The following RANBP3 variants were observed in gnomAD, a reference collection of about 807,000 sequenced individuals.
RANBP3 encodes the protein ran-binding protein 3.
RANBP3 carries 14 observed loss-of-function variants against 77.3 expected under a neutral mutation model. The observed-to-expected ratio is 0.18, with a 90% CI of 0.12 to 0.28. The LOEUF is 0.28. Ranked by LOEUF, RANBP3 falls within the 10% of genes least tolerant of loss-of-function variation. The pLI, the probability that RANBP3 is intolerant of heterozygous loss-of-function variation, is 1.00. For synonymous variants in RANBP3, 315 were observed against 312.4 expected (o/e 1.01, Z -0.09); for missense variants, 586 against 752.3 (o/e 0.78, Z 2.59).
chr19:5,943,590 G>A lies in RANBP3; in HGVS notation c.283-1755C>T, dbSNP rs138155852. Among the ~76,000 whole-genome samples, 675 of 152,278 alleles carry A rather than the reference G, an allele frequency of 4.4e-3. 3 individuals carry two copies. Among genetic ancestry groups the A allele is most frequent in the African/African-American group, 0.015 (644 of 41,552 alleles). On this transcript the variant is annotated intron_variant, in intron 3 of 16. Transcript: ENST00000340578. ...ACTTGAAGTCACATAGCTCGTTCAC[G>A]ACGGTCAGAAAAAAAGCTACCCTGG...
intron 11 of RANBP3, 36 bp from the exon 12 acceptor site, chr19:5,923,950 C>T (rs779292905): frequency 4.0e-6 from 6 of 1,518,158 alleles, no homozygotes; most frequent in Non-Finnish European, 5.5e-6. Flanking sequence ...GAAGAGGGCA[C>T]TTGTGTGGTC....
intron 1 of RANBP3, among the ~76,000 whole-genome samples, chr19:5,972,535 G>T (rs1386205697): frequency 6.6e-6 from 1 of 152,210 alleles, no homozygotes; most frequent in South Asian, 2.1e-4. Context: ...ACTGCCTCAC[G>T]ATTGCTTCAA....
intron 15 of RANBP3, 127 bp from the exon 16 acceptor site, chr19:5,918,107 T>C (rs911809901): frequency 3.6e-6 from 4 of 1,111,300 alleles, no homozygotes; most frequent in South Asian, 3.3e-5. Flanking sequence ...GGGGAGGCCA[T>C]TGGCCCTGGG....
At chr19:5,936,410 G>A (rs376047868) in intron 5 of RANBP3, among the ~76,000 whole-genome samples, 8 of 146,054 alleles carry the variant, frequency 5.5e-5, no homozygotes, top group East Asian at 2.2e-4. Context: ...AGCTCTGTCC[G>A]TCATCTCCAC....
At chr19:5,920,614 C>T (rs374865080) in intron 14 of RANBP3, among the ~76,000 whole-genome samples, 7 of 152,246 alleles carry the variant, frequency 4.6e-5, no homozygotes, top group East Asian at 1.9e-4. Flanking sequence ...GTGGCTCAAT[C>T]TCGGCTCACT....
At position 5,959,521 on chromosome 19, in the gene RANBP3, T is replaced by A. The variant is rs2058374934; in HGVS notation, c.23-1548A>T. On this transcript the variant is annotated intron_variant, in intron 1 of 16. Coordinates refer to ENST00000340578, the MANE Select transcript of RANBP3 (RefSeq NM_007322.3). The surrounding 1 kb of genome is among the most constrained non-coding windows in gnomAD (Gnocchi z 5.1). Reference sequence around the variant, plus strand: ...TGTACAGCCAAGGCAAACACTGGAGTGAGTGGCGTGCGCGAGACCCAGGGG... The same window carrying A: ...TGTACAGCCAAGGCAAACACTGGAGAGAGTGGCGTGCGCGAGACCCAGGGG... 6.6e-6 allele frequency among the ~76,000 whole-genome samples: 1 copy of A among 151,338 alleles called. No individual in the cohort carries two copies. The highest frequency in any genetic ancestry group is 2.4e-5 in the African/African-American group (1 of 41,116).
Position 5,923,926 on chromosome 19 carries a change from C to A in RANBP3, c.997-12G>T. On this transcript the variant is annotated splice_polypyrimidine_tract_variant and intron_variant, in intron 11 of 16. Coordinates refer to ENST00000340578, the MANE Select transcript of RANBP3 (RefSeq NM_007322.3). ...AATTTTGGGGGGCTCTGCAGGGACA[C>A]AAAAGCATACAAGGAAGAGGGCACT... The A allele has an allele frequency of 6.3e-7, 1 of 1,599,010 alleles. No homozygotes were observed. The highest frequency in any genetic ancestry group is 2.2e-5 in the East Asian group (1 of 44,802).
At chr19:5,962,263 C>T (rs2145232060) in intron 1 of RANBP3, among the ~76,000 whole-genome samples, 1 of 152,258 alleles carries the variant, frequency 6.6e-6, no homozygotes, top group East Asian at 1.9e-4. Context: ...GAGTGGAGAA[C>T]AGGAAGCTGA....
chr19:5,925,200 G>A, intron 10 of RANBP3: 1 of 502,436 alleles, frequency 2.0e-6, no homozygotes, highest in South Asian at 2.1e-5. Flanking sequence ...ACACCTGGAG[G>A]GGCAGCTGGT....
Position 5,929,547 on chromosome 19 carries a change from T to A in RANBP3, c.694-1460A>T, listed in dbSNP as rs573177652. 7.9e-5 allele frequency among the ~76,000 whole-genome samples: 12 copies of A among 152,270 alleles called. No individual in the cohort carries two copies. In the East Asian group the frequency reaches 2.3e-3, roughly 29 times the overall value. ...GGATTCGCTTAAACTGATAAACGAA[T>A]CCCGAGGCCTGTAACCAGTCTGAGA... On this transcript the variant is annotated intron_variant, in intron 8 of 16. Coordinates refer to ENST00000340578, the MANE Select transcript of RANBP3 (RefSeq NM_007322.3).
chr19:5,946,912 C>T (rs1476336959), intron 3 of RANBP3, among the ~76,000 whole-genome samples: 2 of 152,238 alleles, frequency 1.3e-5, no homozygotes, highest in Non-Finnish European at 2.9e-5. Flanking sequence ...GGCCACCCCT[C>T]ACCCCAAACA....
In RANBP3 at chr19:5,936,889, C is replaced by A. The variant is rs151139970; in HGVS notation, c.407-3410G>T. ...TTCCAGTGAACACCACTAATCAACG[C>A]GGCAGGGATGGTGCTCAGAGTATCC... On this transcript the variant is annotated intron_variant, in intron 5 of 16. Transcript: ENST00000340578. Among the ~76,000 whole-genome samples, 711 of 151,670 alleles carry A rather than the reference C, an allele frequency of 4.7e-3. 4 individuals are homozygous for A. Among genetic ancestry groups the A allele is most frequent in the African/African-American group, 0.016 (682 of 41,340 alleles).
chr19:5,974,014 C>T (rs778802830), intron 1 of RANBP3, among the ~76,000 whole-genome samples: 2 of 152,136 alleles, frequency 1.3e-5, no homozygotes, highest in South Asian at 2.1e-4. Context: ...CACCTGGGGG[C>T]GATTCTGCAG....
chr19:5,943,180 G>A (rs986252296), intron 3 of RANBP3, among the ~76,000 whole-genome samples: 4 of 152,206 alleles, frequency 2.6e-5, no homozygotes, highest in Admixed American at 2.0e-4. Flanking sequence ...AAGCAGAAAA[G>A]CCAATTTTCT....
rs2057936233 is a variant in RANBP3 at position 5,928,022 on chromosome 19, G to C, written c.759C>G (p.Asp253Glu). The change falls in exon 9 of 17, where the codon GAC becomes GAG. Residue 253 changes from aspartate to glutamate, a missense_variant. Physicochemically the swap from Asp to Glu is conservative, Grantham distance 45. Coordinates refer to ENST00000340578, the MANE Select transcript of RANBP3 (RefSeq NM_007322.3). ...ASEEEACEKK[D>E]PATQQAFVFG... ...ATACAAAGGCTTGCTGTGTGGCGGG[G>C]TCTTTTTTCTCACAGGCTTCCTCTT... 6.2e-7 allele frequency: 1 copy of C among 1,613,778 alleles called. No homozygotes were observed. The highest frequency in any genetic ancestry group is 1.3e-5 in the African/African-American group (1 of 74,892).
intron 3 of RANBP3, among the ~76,000 whole-genome samples, chr19:5,945,372 C>T (rs896906158): frequency 2.6e-5 from 4 of 152,192 alleles, no homozygotes; most frequent in Admixed American, 6.5e-5. Flanking sequence ...TCCTAGTTTC[C>T]GTTTTTGATT....
At chr19:5,944,877 A>G (rs1449920527) in intron 3 of RANBP3, among the ~76,000 whole-genome samples, 1 of 152,134 alleles carries the variant, frequency 6.6e-6, no homozygotes, top group Non-Finnish European at 1.5e-5. Flanking sequence ...CAACTGTACC[A>G]AAACCCTTAC....
chr19:5,918,481 G>A lies in RANBP3; in HGVS notation c.1473+15C>T, dbSNP rs770941882. The A allele has an allele frequency of 2.4e-5, 37 of 1,572,004 alleles. No individual in the cohort carries two copies. The highest frequency in any genetic ancestry group is 8.3e-5 in the African/African-American group (6 of 72,354). On this transcript the variant is annotated intron_variant, in intron 15 of 16. Coordinates refer to ENST00000340578, the MANE Select transcript of RANBP3 (RefSeq NM_007322.3). ...AGGATGAGGGGTCCCAGATGCACCC[G>A]CGTGGCTGGCTCACCGAGATCAGGA...
chr19:5,951,555 C>T lies in RANBP3; in HGVS notation c.120G>A (p.Glu40=), dbSNP rs2058276215. 8 of 1,613,090 alleles carry T rather than the reference C, an allele frequency of 5.0e-6. No homozygotes were observed. The highest frequency in any genetic ancestry group is 3.3e-4 in the Middle Eastern group (2 of 6,060). The change falls in exon 3 of 17, where the codon GAG becomes GAA. Residue 40 remains glutamate, a synonymous_variant. Coordinates refer to ENST00000340578, the MANE Select transcript of RANBP3 (RefSeq NM_007322.3). ...GGGGGGCCTCAGCCTCCCCCCGAGGCTCCTCTCCCGAATCCGACAAGTTTT... is the reference window on the plus strand; with the variant it reads ...GGGGGGCCTCAGCCTCCCCCCGAGGTTCCTCTCCCGAATCCGACAAGTTTT... The part of the protein sequence containing the change: ...EQKNLSDSGE[E]PRGEAEAPHH...
Sources: gnomAD v4.1 joint callset for allele counts (sites outside exome capture counted in the v4.1 genomes callset) on GRCh38, gnomAD v4.1.1 for gene constraint, Gnocchi (gnomAD v3.1) non-coding constraint, MANE v1.5 for transcripts, NCBI Gene and HGNC (gene_info 2026-07-23, HGNC 2026-07-21) for gene names.